Variants in XKR6 observed in about 807,000 individuals in gnomAD.
XKR6 encodes XK related 6, also known as XK-related protein 6.
XKR6 carries 22 observed loss-of-function variants against 56.7 expected under a neutral mutation model. The observed-to-expected ratio is 0.39, with a 90% CI of 0.28 to 0.55. XKR6 has a LOEUF of 0.55. Among genes scored for constraint, XKR6 ranks in the 20% least tolerant of loss-of-function variants. XKR6 has a pLI of 0.66. For missense variants in XKR6, 852 were observed against 889.0 expected (o/e 0.96, Z 0.53); for synonymous variants, 524 against 387.8 (o/e 1.35, Z -4.13).
intron 1 of XKR6, among the ~76,000 whole-genome samples, chr8:11,048,152 C>G (rs892682437): frequency 2.0e-5 from 3 of 152,190 alleles, no homozygotes; most frequent in Admixed American, 6.5e-5. Flanking sequence ...ACCTGTTGAG[C>G]TGGTAACACT....
intron 1 of XKR6, among the ~76,000 whole-genome samples, chr8:10,939,145 C>G (rs926302980): frequency 1.3e-5 from 2 of 152,162 alleles, no homozygotes; most frequent in Admixed American, 6.5e-5. Context: ...CCAAAGGAAA[C>G]TTCACTCCCA....
chr8:11,080,092 C>T (rs999529717), intron 1 of XKR6, among the ~76,000 whole-genome samples: 6 of 152,000 alleles, frequency 3.9e-5, no homozygotes, highest in Admixed American at 6.5e-5. Context: ...GTCCATTTTT[C>T]GAGTGAGCAA....
In XKR6 at chr8:11,154,274, C is replaced by T. The variant is rs78456973; in HGVS notation, c.764+46302G>A. The stretch of plus-strand genomic sequence containing the variant: ...CTTTGTGGGCAATCAATCAATCAAA[C>T]ATGCTATCTCAGGAAGCTCTAATAA... On this transcript the variant is annotated intron_variant, in intron 1 of 2. Transcript: ENST00000416569. 4.4e-3 allele frequency among the ~76,000 whole-genome samples: 673 copies of T among 152,316 alleles called. 4 individuals carry two copies. Among genetic ancestry groups the T allele is most frequent in the Admixed American group, 8.6e-3 (132 of 15,294 alleles).
chr8:11,069,184 C>T (rs1800055360), intron 1 of XKR6, among the ~76,000 whole-genome samples: 1 of 152,038 alleles, frequency 6.6e-6, no homozygotes, highest in Admixed American at 6.6e-5. Context: ...AGAGTAGAGG[C>T]CCCACTGTCT....
chr8:11,055,434 G>C (rs986500843), intron 1 of XKR6, among the ~76,000 whole-genome samples: 1 of 152,214 alleles, frequency 6.6e-6, no homozygotes, highest in Non-Finnish European at 1.5e-5. Flanking sequence ...TCGGGGCCTT[G>C]AGGGCTCAGG....
At chr8:10,954,866 C>CTTATTTTTTTTTTTTTTTTTTTT (rs1801831455) in intron 1 of XKR6, among the ~76,000 whole-genome samples, 1 of 92,794 alleles carries the variant, frequency 1.1e-5, no homozygotes, top group Non-Finnish European at 2.2e-5. Flanking sequence ...ACTTCATTCT[C>CTTATTTTTTTTTTTTTTTTTTTT]TTTTTTTTTT....
chr8:11,071,452 T>A (rs1800112027), intron 1 of XKR6, among the ~76,000 whole-genome samples: 1 of 137,530 alleles, frequency 7.3e-6, no homozygotes, highest in Non-Finnish European at 1.6e-5. Flanking sequence ...AACCTCATTT[T>A]ACACCTTTAA....
chr8:11,123,656 C>G (rs561835117), intron 1 of XKR6: 1 of 337,346 alleles, frequency 3.0e-6, no homozygotes, highest in African/African-American at 2.1e-5. Flanking sequence ...TTAAAATACT[C>G]AAATATATCT....
intron 2 of XKR6, among the ~76,000 whole-genome samples, chr8:10,923,338 G>A (rs1455997362): frequency 1.3e-5 from 2 of 152,140 alleles, no homozygotes; most frequent in African/African-American, 4.8e-5. Flanking sequence ...GATACCCTGG[G>A]GCCCCTTTTT....
chr8:11,105,304 G>A (rs1363526391), intron 1 of XKR6: 2 of 152,178 alleles, frequency 1.3e-5, no homozygotes, highest in Non-Finnish European at 2.9e-5. Context: ...TTAGAGAAAA[G>A]GACATGAAGG....
At chr8:11,033,202 ATGG>A (rs1799036312) in intron 1 of XKR6, among the ~76,000 whole-genome samples, 1 of 152,024 alleles carries the variant, frequency 6.6e-6, no homozygotes, top group South Asian at 2.1e-4. Flanking sequence ...GGTGATGAGG[ATGG>A]TGGTGCTAAG....
intron 1 of XKR6, among the ~76,000 whole-genome samples, chr8:11,103,587 G>A (rs1798567160): frequency 6.6e-6 from 1 of 152,150 alleles, no homozygotes; most frequent in Non-Finnish European, 1.5e-5. Context: ...TCAAAATGGG[G>A]CTGTAAAGGG....
intron 1 of XKR6, among the ~76,000 whole-genome samples, chr8:11,101,382 A>T (rs1798476282): frequency 6.6e-6 from 1 of 152,190 alleles, no homozygotes; most frequent in Non-Finnish European, 1.5e-5. Context: ...GGCTGAGAAC[A>T]AAGGAATCTG....
chr8:11,065,988 G>T (rs937958239), intron 1 of XKR6, among the ~76,000 whole-genome samples: 2 of 152,232 alleles, frequency 1.3e-5, no homozygotes, highest in Non-Finnish European at 2.9e-5. Flanking sequence ...AATGGCAAAG[G>T]GGTTGGGGAA....
At chr8:11,158,588 C>A (rs998621224) in intron 1 of XKR6, among the ~76,000 whole-genome samples, 1 of 152,122 alleles carries the variant, frequency 6.6e-6, no homozygotes, top group African/African-American at 2.4e-5. Flanking sequence ...GAGACCCTGA[C>A]CAACACAATC....
intron 1 of XKR6, among the ~76,000 whole-genome samples, chr8:11,084,814 A>G (rs1435224883): frequency 6.6e-6 from 1 of 152,146 alleles, no homozygotes; most frequent in African/African-American, 2.4e-5. Context: ...GCCAGCTTGG[A>G]GGGAAGGGAA....
intron 1 of XKR6, among the ~76,000 whole-genome samples, chr8:10,929,983 C>T (rs1021008250): frequency 6.6e-6 from 1 of 152,204 alleles, no homozygotes; most frequent in African/African-American, 2.4e-5. Context: ...GAGGGAGACA[C>T]GGTTGTCATC....
intron 1 of XKR6, among the ~76,000 whole-genome samples, chr8:11,132,644 G>C (rs922613801): frequency 6.6e-6 from 1 of 151,920 alleles, no homozygotes; most frequent in Non-Finnish European, 1.5e-5. Flanking sequence ...TGACACGTAC[G>C]AGCCACCGCG....
At chr8:11,166,986 A>G (rs905286231) in intron 1 of XKR6, among the ~76,000 whole-genome samples, 4 of 152,338 alleles carry the variant, frequency 2.6e-5, no homozygotes, top group East Asian at 1.9e-4. Flanking sequence ...AGAGGGTATG[A>G]CAAGTAAGGT....
Sources: allele counts gnomAD v4.1 joint callset (sites outside exome capture counted in the v4.1 genomes callset), GRCh38; gene constraint gnomAD v4.1.1; transcripts MANE v1.5; gene names NCBI Gene and HGNC (gene_info 2026-07-23, HGNC 2026-07-21).